The following KIAA1549L variants were observed in gnomAD, a reference collection of about 807,000 sequenced individuals.
KIAA1549L encodes the protein KIAA1549 like, also known as UPF0606 protein KIAA1549L.
In KIAA1549L, 88 loss-of-function variants were observed where a neutral mutation model predicts 160.7. That is an observed-to-expected ratio of 0.55 (90% CI 0.46 to 0.65). KIAA1549L has a LOEUF of 0.65. KIAA1549L is among the 30% of genes least tolerant of loss of function. KIAA1549L has a pLI of 0.00. For synonymous variants in KIAA1549L, 950 were observed against 976.7 expected, an observed-to-expected ratio of 0.97 and a Z score of 0.51; for missense variants, 2,258 against 2,437.5, an observed-to-expected ratio of 0.93 and a Z score of 1.55.
At chr11:33,588,793 C>T (rs1192996236) in intron 11 of KIAA1549L, among the ~76,000 whole-genome samples, 3 of 152,192 alleles carry the variant, frequency 2.0e-5, no homozygotes, top group Admixed American at 1.3e-4. Context: ...TGTCACTGAT[C>T]ACCACATAGG....
Position 33,656,079 on chromosome 11 carries a change from C to A in KIAA1549L, c.5828C>A (p.Thr1943Asn), listed in dbSNP as rs201069710. 189 of 1,613,714 alleles carry A rather than the reference C, an allele frequency of 1.2e-4. No homozygotes were observed. Among genetic ancestry groups the A allele is most frequent in the Non-Finnish European group, 1.5e-4 (179 of 1,179,768 alleles). ...CCGCCTCCACCCGTACCTCCCCGGA[C>A]TGGTCCTGTGGCTGTCGCTTCTCTC... is the stretch of plus-strand genomic sequence containing the variant. ...GSPPPPVPPR[T>N]GPVAVASLRR... is the part of the protein sequence containing the mutation. Residue 1943 changes from threonine (T) to asparagine (N), a missense_variant, in exon 18 of 21, where the codon ACT becomes AAT. Around this residue, in one of 6 missense-constraint regions of KIAA1549L, gnomAD observed 1,359 missense variants for 1,546.6 expected, o/e 0.88. Coordinates refer to ENST00000658780, the MANE Select transcript of KIAA1549L (RefSeq NM_012194.3).
intron 16 of KIAA1549L, among the ~76,000 whole-genome samples, chr11:33,633,329 T>C (rs548505636): frequency 6.6e-6 from 1 of 151,996 alleles, no homozygotes; most frequent in African/African-American, 2.4e-5. Context: ...TGGCCCATTC[T>C]GAAGGGAAAG....
Position 33,669,776 on chromosome 11 carries a change from C to T in KIAA1549L, c.*1622C>T, listed in dbSNP as rs1852610148. ...TTTATATTTTCCAATGGCAAACTGC[C>T]CTTTCTGGAATGTTCAGAGATGATG... On this transcript the variant is annotated 3_prime_UTR_variant, in exon 21 of 21. Coordinates refer to ENST00000658780, the MANE Select transcript of KIAA1549L (RefSeq NM_012194.3). 6.6e-6 allele frequency: 1 copy of T among 152,154 alleles called. No homozygotes were observed. The highest frequency in any genetic ancestry group is 2.1e-4 in the South Asian group (1 of 4,828). The allele number at this position is 152,154 out of a possible 1,614,324, so 9.4% of individuals were successfully genotyped here.
At chr11:33,484,025 A>G (rs1158358182) in intron 1 of KIAA1549L, among the ~76,000 whole-genome samples, 2 of 152,234 alleles carry the variant, frequency 1.3e-5, no homozygotes, top group Non-Finnish European at 2.9e-5. Context: ...TGAGGGATGC[A>G]TATGGCTTTA....
At chr11:33,430,978 G>A (rs1851226771) in intron 1 of KIAA1549L, among the ~76,000 whole-genome samples, 1 of 152,076 alleles carries the variant, frequency 6.6e-6, no homozygotes, top group South Asian at 2.1e-4. Context: ...CGCGTCTGGA[G>A]TTTGTTCCTT....
chr11:33,556,086 A>T (rs1029397033), intron 6 of KIAA1549L, among the ~76,000 whole-genome samples: 20 of 152,234 alleles, frequency 1.3e-4, no homozygotes, highest in African/African-American at 4.6e-4. Context: ...ATCATTAAAG[A>T]AATGCAAATC....
intron 1 of KIAA1549L, among the ~76,000 whole-genome samples, chr11:33,538,596 A>G (rs190454303): frequency 1.1e-4 from 17 of 152,284 alleles, no homozygotes; most frequent in Middle Eastern, 3.4e-3. Flanking sequence ...TAAAAATTCA[A>G]CCTATAATGG....
At chr11:33,578,308 T>A (rs1855523544) in intron 10 of KIAA1549L, among the ~76,000 whole-genome samples, 1 of 152,152 alleles carries the variant, frequency 6.6e-6, no homozygotes, top group African/African-American at 2.4e-5. Context: ...AGAGTCGAGA[T>A]TCAAACTCTG....
intron 1 of KIAA1549L, among the ~76,000 whole-genome samples, chr11:33,464,758 G>A (rs1852013995): frequency 6.6e-6 from 1 of 151,932 alleles, no homozygotes; most frequent in East Asian, 1.9e-4. Context: ...ATGGTTCCAG[G>A]ATCAAGTCCA....
rs773654513 is a variant in KIAA1549L at position 33,559,924 on chromosome 11, A to T, written c.4018+13A>T. On this transcript the variant is annotated intron_variant, in intron 7 of 20. Transcript: ENST00000658780. ...ACCATTGCTGAACGTGAGTATGGCC[A>T]TGCCTATGGGGACCCCAGTGTTTCC... 3.1e-6 allele frequency: 5 copies of T among 1,611,726 alleles called. No homozygotes were observed. In the Admixed American group the frequency reaches 6.7e-5, roughly 21 times the overall value.
At chr11:33,455,417 T>C (rs1330259112) in intron 1 of KIAA1549L, among the ~76,000 whole-genome samples, 1 of 152,186 alleles carries the variant, frequency 6.6e-6, no homozygotes, top group East Asian at 1.9e-4. Flanking sequence ...TTTTGGACAT[T>C]AAAGCTTTAG....
chr11:33,556,817 T>C (rs1306466457), intron 6 of KIAA1549L, among the ~76,000 whole-genome samples: 1 of 152,158 alleles, frequency 6.6e-6, no homozygotes, highest in African/African-American at 2.4e-5. Flanking sequence ...TACAACAGTG[T>C]GAATGCACTT....
chr11:33,601,955 G>A (rs969741417), intron 13 of KIAA1549L, among the ~76,000 whole-genome samples: 1 of 152,184 alleles, frequency 6.6e-6, no homozygotes, highest in Non-Finnish European at 1.5e-5. Flanking sequence ...AGCAAAAAGA[G>A]TTTGGTGCTT....
chr11:33,393,595 T>C (rs1850312588), intron 1 of KIAA1549L, among the ~76,000 whole-genome samples: 1 of 152,160 alleles, frequency 6.6e-6, no homozygotes, highest in Non-Finnish European at 1.5e-5. Context: ...ACAACTTGCT[T>C]AGAGAAAGAG....
At chr11:33,605,248 G>A (rs1850470769) in intron 13 of KIAA1549L, among the ~76,000 whole-genome samples, 3 of 152,020 alleles carry the variant, frequency 2.0e-5, no homozygotes, top group African/African-American at 7.2e-5. Flanking sequence ...TTTCCTGTTG[G>A]TTACACAGGT....
intron 15 of KIAA1549L, 113 bp downstream of exon 15, chr11:33,610,079 C>T (rs549811814): frequency 2.6e-6 from 2 of 761,076 alleles, no homozygotes; most frequent in South Asian, 3.3e-5. Context: ...GTGATCTTTG[C>T]AGTCCACTGA....
chr11:33,535,501 G>A (rs1473890233), intron 1 of KIAA1549L, among the ~76,000 whole-genome samples: 2 of 151,836 alleles, frequency 1.3e-5, no homozygotes, highest in Non-Finnish European at 1.5e-5. Flanking sequence ...GGCGAAACCC[G>A]TCTGTACAAA....
At chr11:33,593,422 G>A (rs1320755958) in intron 12 of KIAA1549L, among the ~76,000 whole-genome samples, 1 of 152,198 alleles carries the variant, frequency 6.6e-6, no homozygotes, top group African/African-American at 2.4e-5. Flanking sequence ...CTGGATGACA[G>A]AGTGAGGGCT....
intron 1 of KIAA1549L, among the ~76,000 whole-genome samples, chr11:33,459,415 A>G (rs1387096125): frequency 1.3e-5 from 2 of 152,206 alleles, no homozygotes; most frequent in African/African-American, 4.8e-5. Flanking sequence ...CCTATCTGCC[A>G]TCTAATGTCA....
Sources: gnomAD v4.1 joint callset for allele counts (sites outside exome capture counted in the v4.1 genomes callset) on GRCh38, gnomAD v4.1.1 for gene constraint, gnomAD v4.1.1 regional missense constraint, MANE v1.5 for transcripts, NCBI Gene and HGNC (gene_info 2026-07-23, HGNC 2026-07-21) for gene names.